TRPM1: variants seen among roughly 807,000 people sequenced by gnomAD.
TRPM1 encodes the protein transient receptor potential cation channel subfamily M member 1.
In TRPM1, 113 loss-of-function variants were observed where a neutral mutation model predicts 149.4. The observed-to-expected ratio is 0.76, with a 90% confidence interval of 0.65 to 0.88. TRPM1 has a LOEUF of 0.88. TRPM1 is among the 40% of genes least tolerant of loss of function. The pLI is 0.00. For missense variants in TRPM1, 1,976 were observed against 2,038.7 expected (o/e 0.97, Z 0.59); for synonymous variants, 741 against 759.5 (o/e 0.98, Z 0.40).
In TRPM1 at chr15:31,047,204, G is replaced by C. The variant is rs373631707; in HGVS notation, c.1671C>G (p.Leu557=). The C allele has an allele frequency of 1.9e-6, 3 of 1,614,220 alleles. No individual in the cohort carries two copies. Among genetic ancestry groups the C allele is most frequent in the South Asian group, 1.1e-5 (1 of 91,080 alleles). Reference sequence around the variant, plus strand: ...CTCCTCCCATGAGGTACTCCAGCACGAGCCCGATGTCTATGAGGCTGATGT... The same window carrying C: ...CTCCTCCCATGAGGTACTCCAGCACCAGCCCGATGTCTATGAGGCTGATGT... ...DYHISLIDIG[L]VLEYLMGGAY... The change falls in exon 15 of 28, where the codon CTC becomes CTG. Residue 557 remains leucine (L), a synonymous_variant. Transcript: ENST00000256552.
chr15:31,123,650 G>A (rs1298218124), intron 1 of TRPM1, among the ~76,000 whole-genome samples: 1 of 152,140 alleles, frequency 6.6e-6, no homozygotes, highest in African/African-American at 2.4e-5. Flanking sequence ...GGAACCATGG[G>A]ATACTACTAC....
chr15:31,054,577 G>A (rs1000592008), intron 11 of TRPM1, among the ~76,000 whole-genome samples: 2 of 152,156 alleles, frequency 1.3e-5, no homozygotes, highest in African/African-American at 2.4e-5. Flanking sequence ...TTACAGGAGT[G>A]AGCCACTGTG....
At chr15:31,149,514 A>ATC (rs200346202) in intron 1 of TRPM1, among the ~76,000 whole-genome samples, 5 of 143,106 alleles carry the variant, frequency 3.5e-5, no homozygotes, top group Admixed American at 7.1e-5. Flanking sequence ...CGTCATGTGC[A>ATC]TCTCTCTCTC....
At chr15:31,005,605 G>GTTGC in intron 27 of TRPM1, among the ~76,000 whole-genome samples, 1 of 152,308 alleles carries the variant, frequency 6.6e-6, no homozygotes, top group East Asian at 1.9e-4. Flanking sequence ...GAAATTGTCA[G>GTTGC]TTGCTTGTTT....
At chr15:31,071,978 AACATATATATAT>A (rs2034554947) in intron 3 of TRPM1, among the ~76,000 whole-genome samples, 1 of 62,390 alleles carries the variant, frequency 1.6e-5, no homozygotes, top group African/African-American at 6.5e-5. Flanking sequence ...AAAAAAAAAA[AACATATATATAT>A]ATATATATAT....
intron 1 of TRPM1, among the ~76,000 whole-genome samples, chr15:31,138,459 G>T (rs2036118901): frequency 6.6e-6 from 1 of 152,190 alleles, no homozygotes. Context: ...ATATCAAATT[G>T]AGTTCTAGGA....
intron 1 of TRPM1, among the ~76,000 whole-genome samples, chr15:31,143,750 T>C (rs74643777): frequency 1.5e-4 from 23 of 152,002 alleles, no homozygotes; most frequent in African/African-American, 3.9e-4. Flanking sequence ...TTTTTTTTTT[T>C]CCCTTTTAAG....
chr15:31,071,433 G>T (rs1029173792), intron 3 of TRPM1, among the ~76,000 whole-genome samples: 9 of 151,734 alleles, frequency 5.9e-5, no homozygotes, highest in African/African-American at 2.2e-4. Context: ...CACATGTGCA[G>T]GGCCCTTGCC....
At chr15:31,054,252 GTCTC>G (rs1045188942) in intron 11 of TRPM1, among the ~76,000 whole-genome samples, 1 of 151,982 alleles carries the variant, frequency 6.6e-6, no homozygotes, top group African/African-American at 2.4e-5. Context: ...TATATCAAAC[GTCTC>G]TCTTTTTCTC....
chr15:31,127,922 G>C (rs962194016), intron 1 of TRPM1, among the ~76,000 whole-genome samples: 1 of 152,180 alleles, frequency 6.6e-6, no homozygotes, highest in Non-Finnish European at 1.5e-5. Flanking sequence ...TAGCTCGTGG[G>C]GTCTGTGCCT....
chr15:31,083,862 G>C (rs572584311), intron 1 of TRPM1, among the ~76,000 whole-genome samples: 1 of 152,174 alleles, frequency 6.6e-6, no homozygotes, highest in African/African-American at 2.4e-5. Context: ...AACGTCACCT[G>C]CAAAATGAGG....
At chr15:31,141,635 G>A (rs1320729366) in intron 1 of TRPM1, among the ~76,000 whole-genome samples, 3 of 150,350 alleles carry the variant, frequency 2.0e-5, no homozygotes, top group African/African-American at 7.5e-5. Context: ...AATTTTGTGT[G>A]GTCATAATGA....
intron 1 of TRPM1, among the ~76,000 whole-genome samples, chr15:31,141,646 CAG>C (rs1491249440): frequency 2.0e-5 from 3 of 146,538 alleles, no homozygotes; most frequent in Admixed American, 1.3e-4. Context: ...GTCATAATGA[CAG>C]GGGAAAAAAG....
intron 27 of TRPM1, among the ~76,000 whole-genome samples, chr15:31,024,658 G>A (rs1020517536): frequency 2.0e-5 from 3 of 152,120 alleles, no homozygotes; most frequent in African/African-American, 4.8e-5. Context: ...AAGGAATGCC[G>A]GGGAAGGGAG....
intron 16 of TRPM1, among the ~76,000 whole-genome samples, chr15:31,045,430 A>T (rs757344560): frequency 3.9e-5 from 6 of 151,962 alleles, no homozygotes; most frequent in Admixed American, 6.6e-5. Flanking sequence ...CTCCCCCCAA[A>T]TTTTTTTGCT....
intron 11 of TRPM1, among the ~76,000 whole-genome samples, chr15:31,058,729 C>T (rs537473658): frequency 5.3e-5 from 8 of 152,254 alleles, no homozygotes; most frequent in African/African-American, 9.6e-5. Flanking sequence ...GAGTCTGAAG[C>T]GGACAGAACA....
rs566714475 is a variant in TRPM1 at position 31,047,210 on chromosome 15, G to C, written c.1665C>G (p.Ile555Met). The C allele has an allele frequency of 6.2e-7, 1 of 1,614,214 alleles. No homozygotes were observed. The highest frequency in any genetic ancestry group is 1.1e-5 in the South Asian group (1 of 91,078). The change falls in exon 15 of 28, where the codon ATC (isoleucine) becomes ATG (methionine). Residue 555 changes from isoleucine to methionine, a missense_variant. Around this residue, in one of 3 missense-constraint regions of TRPM1, gnomAD observed 1,332 missense variants for 1,347.1 expected, o/e 0.99. Coordinates refer to ENST00000256552, the MANE Select transcript of TRPM1 (RefSeq NM_001252024.2). ...CCATGAGGTACTCCAGCACGAGCCC[G>C]ATGTCTATGAGGCTGATGTGGTAAT... is the stretch of plus-strand genomic sequence containing the variant. ...PPDYHISLID[I>M]GLVLEYLMGG...
At chr15:31,072,914 A>G (rs777709182) in intron 3 of TRPM1, among the ~76,000 whole-genome samples, 8 of 152,112 alleles carry the variant, frequency 5.3e-5, no homozygotes, top group Admixed American at 2.6e-4. Flanking sequence ...TTCTGGATAC[A>G]AGTCCCTTAT....
At chr15:31,125,043 C>A (rs559788557) in intron 1 of TRPM1, among the ~76,000 whole-genome samples, 42 of 151,568 alleles carry the variant, frequency 2.8e-4, no homozygotes, top group African/African-American at 9.0e-4. Context: ...GGTGTGGTGG[C>A]GCATGCCTGT....
Sources: allele counts gnomAD v4.1 joint callset (sites outside exome capture counted in the v4.1 genomes callset), GRCh38; gene constraint gnomAD v4.1.1; regional missense constraint gnomAD v4.1.1; transcripts MANE v1.5; gene names NCBI Gene and HGNC (gene_info 2026-07-23, HGNC 2026-07-21).